The following TBC1D22A variants were observed in gnomAD, a reference collection of about 807,000 sequenced individuals.
The protein encoded by TBC1D22A is putative GTPase activator.
Under a neutral mutation model 60.2 loss-of-function variants are expected in TBC1D22A, and 38 were observed. The observed-to-expected ratio is 0.63, with a 90% CI of 0.49 to 0.83. The LOEUF is 0.83. TBC1D22A is among the 40% of genes least tolerant of loss of function. The pLI is 0.00. For synonymous variants in TBC1D22A, 302 were observed against 281.7 expected, an observed-to-expected ratio of 1.07 and a Z score of -0.72; for missense variants, 628 against 701.0, an observed-to-expected ratio of 0.90 and a Z score of 1.18.
intron 8 of TBC1D22A, among the ~76,000 whole-genome samples, chr22:46,944,117 G>A (rs1414102112): frequency 1.3e-5 from 2 of 152,156 alleles, no homozygotes; most frequent in East Asian, 3.9e-4. Context: ...TTGAAGAACT[G>A]TTTTCCAAAG....
chr22:47,065,616 A>C (rs2063730735), intron 11 of TBC1D22A, among the ~76,000 whole-genome samples: 1 of 152,282 alleles, frequency 6.6e-6, no homozygotes, highest in African/African-American at 2.4e-5. Context: ...GGTCTCCACG[A>C]GGACTTAGCA....
chr22:46,945,254 A>G (rs527531318), intron 8 of TBC1D22A, among the ~76,000 whole-genome samples: 1 of 152,198 alleles, frequency 6.6e-6, no homozygotes, highest in Admixed American at 6.5e-5. Flanking sequence ...GGAGGGATAC[A>G]TGGCAATTTA....
intron 11 of TBC1D22A, among the ~76,000 whole-genome samples, chr22:47,056,177 G>C (rs2063387497): frequency 6.6e-6 from 1 of 151,990 alleles, no homozygotes; most frequent in South Asian, 2.1e-4. Context: ...GGTGGGCCGG[G>C]CCGGGCTGGG....
chr22:46,951,574 C>T lies in TBC1D22A; in HGVS notation c.1016-22716C>T, dbSNP rs114048468. Among the ~76,000 whole-genome samples, 797 of 152,248 alleles carry T rather than the reference C, an allele frequency of 5.2e-3. 12 individuals carry two copies. Among genetic ancestry groups the T allele is most frequent in the African/African-American group, 0.018 (751 of 41,522 alleles). Reference sequence around the variant, plus strand: ...GCCAGTTAGGGGCTGTCACTGCAGCCGGCGCCATCTTGGAGCCCTCGGAGC... The same window carrying T: ...GCCAGTTAGGGGCTGTCACTGCAGCTGGCGCCATCTTGGAGCCCTCGGAGC... On this transcript the variant is annotated intron_variant, in intron 8 of 12. Coordinates refer to ENST00000337137, the MANE Select transcript of TBC1D22A (RefSeq NM_014346.5).
chr22:46,949,122 C>T (rs2072737080), intron 8 of TBC1D22A, among the ~76,000 whole-genome samples: 1 of 152,178 alleles, frequency 6.6e-6, no homozygotes, highest in Admixed American at 6.5e-5. Context: ...CTAAAAGAGT[C>T]TTTGTTCAAG....
chr22:46,906,913 C>A (rs969096508), intron 7 of TBC1D22A, among the ~76,000 whole-genome samples: 1 of 151,844 alleles, frequency 6.6e-6, no homozygotes, highest in Admixed American at 6.6e-5. Context: ...TGCGCATGTG[C>A]TTTTCATGTG....
intron 4 of TBC1D22A, among the ~76,000 whole-genome samples, chr22:46,863,130 T>C (rs1329211090): frequency 3.3e-5 from 5 of 152,116 alleles, no homozygotes; most frequent in African/African-American, 1.2e-4. Context: ...GGTTAGGTAC[T>C]CACACCAGGT....
chr22:46,854,856 C>A (rs893059652), intron 4 of TBC1D22A, among the ~76,000 whole-genome samples: 7 of 152,082 alleles, frequency 4.6e-5, no homozygotes, highest in African/African-American at 1.7e-4. Context: ...TCTGTTTCAT[C>A]CAGACATAGG....
chr22:46,856,255 G>A lies in TBC1D22A; in HGVS notation c.638-22398G>A, dbSNP rs113710541. Among the ~76,000 whole-genome samples, 88 of 152,328 alleles carry A rather than the reference G, an allele frequency of 5.8e-4. 1 individual carries two copies. The highest frequency in any genetic ancestry group is 2.0e-3 in the African/African-American group (83 of 41,576). On this transcript the variant is annotated intron_variant, in intron 4 of 12. Transcript: ENST00000337137. ...GCTGCCCCATTAATATTTACGTAGC[G>A]TAGCATCAGAACGATTATGCTTGCT...
chr22:46,964,679 A>G (rs939090360), intron 8 of TBC1D22A, among the ~76,000 whole-genome samples: 7 of 152,208 alleles, frequency 4.6e-5, no homozygotes, highest in African/African-American at 7.2e-5. Flanking sequence ...GATAGTTACA[A>G]TGTAAGCAGT....
intron 4 of TBC1D22A, among the ~76,000 whole-genome samples, chr22:46,831,052 A>G (rs932899954): frequency 1.3e-5 from 2 of 152,198 alleles, no homozygotes; most frequent in Admixed American, 1.3e-4. Flanking sequence ...CTAAGAGGAC[A>G]CGAGAGGAAG....
chr22:47,003,426 GCACACATGCCTGTACACACGCA>G (rs2061460783), intron 10 of TBC1D22A, among the ~76,000 whole-genome samples: 1 of 128,720 alleles, frequency 7.8e-6, no homozygotes, highest in African/African-American at 3.0e-5. Context: ...CATACCCTAC[GCACACATGCCTGTACACACGCA>G]CCCTACGCAC....
chr22:47,096,017 G>A (rs1297609821), intron 11 of TBC1D22A, among the ~76,000 whole-genome samples: 5 of 152,104 alleles, frequency 3.3e-5, no homozygotes, highest in Non-Finnish European at 7.4e-5. Flanking sequence ...ATTAGTCCTT[G>A]GTCTTTTTGC....
At chr22:46,994,725 A>G (rs1327551982) in intron 9 of TBC1D22A, among the ~76,000 whole-genome samples, 1 of 152,208 alleles carries the variant, frequency 6.6e-6, no homozygotes, top group Non-Finnish European at 1.5e-5. Flanking sequence ...AATTCTGTGC[A>G]GCTATATTGT....
intron 12 of TBC1D22A, among the ~76,000 whole-genome samples, chr22:47,115,055 G>C (rs1465074852): frequency 1.3e-5 from 2 of 151,734 alleles, no homozygotes; most frequent in East Asian, 3.9e-4. Flanking sequence ...GCGGGGTGAG[G>C]TGAGGTGGGG....
chr22:46,856,406 T>A (rs2087571389), intron 4 of TBC1D22A, among the ~76,000 whole-genome samples: 2 of 152,218 alleles, frequency 1.3e-5, no homozygotes, highest in Non-Finnish European at 1.5e-5. Context: ...TATGTTTTAA[T>A]GCTGAAAGTA....
chr22:47,131,101 C>T (rs968029198), intron 12 of TBC1D22A, among the ~76,000 whole-genome samples: 1 of 152,194 alleles, frequency 6.6e-6, no homozygotes, highest in African/African-American at 2.4e-5. Flanking sequence ...AGAGCAAGAG[C>T]TCACTCACTA....
chr22:46,997,495 G>C (rs75062074), intron 9 of TBC1D22A, 139 bp from the exon 10 acceptor site: 7,254 of 667,164 alleles, frequency 0.011, 176 homozygotes, highest in African/African-American at 0.07. Context: ...ATCCACTTGT[G>C]TGTTTCTCGA....
intron 7 of TBC1D22A, among the ~76,000 whole-genome samples, chr22:46,897,087 T>G (rs2068717653): frequency 6.6e-6 from 1 of 152,206 alleles, no homozygotes; most frequent in Non-Finnish European, 1.5e-5. Context: ...GTACATGTGT[T>G]ACCGGTGGAG....
Sources: gnomAD v4.1 joint callset for allele counts (sites outside exome capture counted in the v4.1 genomes callset) on GRCh38, gnomAD v4.1.1 for gene constraint, MANE v1.5 for transcripts, NCBI Gene and HGNC (gene_info 2026-07-23, HGNC 2026-07-21) for gene names.